MTFR1: variants seen among roughly 807,000 people sequenced by gnomAD.
The protein encoded by MTFR1 is chondrocyte protein with a poly-proline region.
MTFR1 carries 28 observed loss-of-function variants against 38.8 expected under a neutral mutation model. The ratio of observed to expected loss-of-function variants is 0.72; its 90% CI spans 0.53 to 0.99. The LOEUF (loss-of-function observed/expected upper bound fraction) is 0.99. Ranked by LOEUF, MTFR1 falls within the 50% of genes least tolerant of loss-of-function variation. MTFR1 has a pLI of 0.00. For synonymous variants in MTFR1, 145 were observed against 137.0 expected (o/e 1.06, Z -0.41); for missense variants, 358 against 395.5 (o/e 0.91, Z 0.81).
chr8:65,663,504 G>A (rs62507606), intron 1 of MTFR1, among the ~76,000 whole-genome samples: 73 of 137,708 alleles, frequency 5.3e-4, no homozygotes, highest in Admixed American at 1.2e-3. Context: ...CCCCCTCTGC[G>A]AGAAACACCC....
At chr8:65,737,288 C>T (rs1449544280) in intron 3 of MTFR1, among the ~76,000 whole-genome samples, 4 of 151,892 alleles carry the variant, frequency 2.6e-5, no homozygotes, top group South Asian at 2.1e-4. Context: ...TCCACATTAG[C>T]GGCAACAGGA....
intron 1 of MTFR1, among the ~76,000 whole-genome samples, chr8:65,665,859 C>G (rs1454345595): frequency 6.6e-6 from 1 of 152,194 alleles, no homozygotes; most frequent in Non-Finnish European, 1.5e-5. Flanking sequence ...CTTTTCCATT[C>G]CTGTTAGCAT....
intron 3 of MTFR1, among the ~76,000 whole-genome samples, chr8:65,692,431 G>A (rs774587875): frequency 2.6e-5 from 4 of 152,052 alleles, no homozygotes; most frequent in Non-Finnish European, 2.9e-5. Context: ...GCCGCCTCCC[G>A]GGTTCAAGTA....
At chr8:65,734,700 T>G (rs1807049174) in intron 3 of MTFR1, 1 of 723,082 alleles carries the variant, frequency 1.4e-6, no homozygotes, top group Non-Finnish European at 2.5e-6. Context: ...TCTGTGATTT[T>G]CAGTCAAAGC....
intron 3 of MTFR1, among the ~76,000 whole-genome samples, 197 bp from the exon 4 acceptor site, chr8:65,693,447 T>C (rs1585786107): frequency 1.3e-5 from 2 of 152,090 alleles, no homozygotes; most frequent in African/African-American, 4.8e-5. Context: ...AATAAAGTTA[T>C]AGTTCTGAGA....
chr8:65,755,522 T>C (rs745496933), intron 3 of MTFR1, among the ~76,000 whole-genome samples: 16 of 152,324 alleles, frequency 1.1e-4, no homozygotes, highest in South Asian at 1.0e-3. Flanking sequence ...ACTGCTCGTA[T>C]GCATCTCCAA....
intron 6 of MTFR1, 125 bp downstream of exon 6, chr8:65,707,381 T>G: frequency 2.1e-6 from 2 of 960,078 alleles, no homozygotes; most frequent in South Asian, 3.5e-5. Context: ...AAAAAAAAGA[T>G]GAGCCCCAGT....
chr8:65,720,242 A>G (rs1228011370), intron 3 of MTFR1, among the ~76,000 whole-genome samples: 2 of 152,256 alleles, frequency 1.3e-5, no homozygotes, highest in Non-Finnish European at 2.9e-5. Context: ...ACTAAGTAGT[A>G]TCTTAAACAA....
At chr8:65,682,305 G>A (rs1248960221) in intron 2 of MTFR1, 48 bp from the exon 3 acceptor site, 3 of 965,040 alleles carry the variant, frequency 3.1e-6, no homozygotes, top group Admixed American at 2.2e-5. Context: ...TGTCTTAACA[G>A]TTCTGTACAT....
chr8:65,703,424 T>G (rs1405320436), intron 4 of MTFR1, among the ~76,000 whole-genome samples: 1 of 73,008 alleles, frequency 1.4e-5, no homozygotes, highest in Non-Finnish European at 2.7e-5. Context: ...CTCTGGTTTT[T>G]TTTTTTTTTT....
At chr8:65,655,619 G>T (rs971098236) in intron 1 of MTFR1, among the ~76,000 whole-genome samples, 1 of 151,940 alleles carries the variant, frequency 6.6e-6, no homozygotes, top group African/African-American at 2.4e-5. Context: ...GGATAGCAGT[G>T]GTCCCTGGAC....
At chr8:65,769,989 A>G (rs1808998321) in intron 3 of MTFR1, among the ~76,000 whole-genome samples, 1 of 152,258 alleles carries the variant, frequency 6.6e-6, no homozygotes, top group Admixed American at 6.5e-5. Flanking sequence ...TCATAATACC[A>G]TACTCTTAAA....
downstream of MTFR1, among the ~76,000 whole-genome samples, chr8:65,713,436 TCAAACACA>T (rs2129061256): frequency 1.1e-5 from 1 of 88,952 alleles, no homozygotes; most frequent in Non-Finnish European, 2.1e-5. Context: ...GACTCCCATC[TCAAACACA>T]CACACACACA....
rs535536507 is a variant in MTFR1 at position 65,684,664 on chromosome 8, C to T, written c.165+2213C>T. On this transcript the variant is annotated intron_variant, in intron 3 of 7. Coordinates refer to ENST00000262146, the MANE Select transcript of MTFR1 (RefSeq NM_014637.4). ...GCTCCCAAAGTGCTGGGATTACAGGCGTGAGCCACCGCACCTGGCCCATAC... is the reference window on the plus strand; with the variant it reads ...GCTCCCAAAGTGCTGGGATTACAGGTGTGAGCCACCGCACCTGGCCCATAC... Among the ~76,000 whole-genome samples, 121 of 151,740 alleles carry T rather than the reference C, an allele frequency of 8.0e-4. 4 individuals are homozygous for T. The South Asian group carries it at 0.023, about 29-fold the overall frequency.
intron 3 of MTFR1, among the ~76,000 whole-genome samples, chr8:65,762,991 A>G (rs906906599): frequency 7.2e-6 from 1 of 138,514 alleles, no homozygotes; most frequent in Non-Finnish European, 1.6e-5. Flanking sequence ...TATAAAAACA[A>G]TGTGTGTGTG....
chr8:65,684,118 A>G (rs1268691103), intron 3 of MTFR1, among the ~76,000 whole-genome samples: 1 of 152,180 alleles, frequency 6.6e-6, no homozygotes, highest in Non-Finnish European at 1.5e-5. Flanking sequence ...TGCAACCCCC[A>G]GGTCTGCCTT....
At chr8:65,644,365 A>G (rs1343444813), upstream of MTFR1, among the ~76,000 whole-genome samples, 1 of 152,174 alleles carries the variant, frequency 6.6e-6, no homozygotes, top group African/African-American at 2.4e-5. Context: ...GTGGGGTGAA[A>G]TGGGCTCCAC....
chr8:65,713,935 G>A (rs1054480136), downstream of MTFR1, among the ~76,000 whole-genome samples: 1 of 151,846 alleles, frequency 6.6e-6, no homozygotes, highest in East Asian at 1.9e-4. Flanking sequence ...TGATCTGTCC[G>A]CCTCAGCCTC....
chr8:65,668,525 C>G (rs376134156), intron 1 of MTFR1, among the ~76,000 whole-genome samples: 1 of 127,026 alleles, frequency 7.9e-6, no homozygotes, highest in Non-Finnish European at 1.6e-5. Flanking sequence ...TTTCTTTTTT[C>G]TTTTTTTTTT....
Sources: allele counts gnomAD v4.1 joint callset (sites outside exome capture counted in the v4.1 genomes callset), GRCh38; gene constraint gnomAD v4.1.1; transcripts MANE v1.5; gene names NCBI Gene and HGNC (gene_info 2026-07-23, HGNC 2026-07-21).